Variants in ADCY2 observed in about 807,000 individuals in gnomAD.
ADCY2 encodes adenylate cyclase 2.
Under a neutral mutation model 125.2 loss-of-function variants are expected in ADCY2, and 31 were observed. The observed-to-expected ratio is 0.25, with a 90% CI of 0.19 to 0.33. ADCY2 has a LOEUF of 0.33. ADCY2 is among the 10% of genes least tolerant of loss of function. The pLI is 1.00. For missense variants in ADCY2, 904 were observed against 1,418.2 expected (o/e 0.64, Z 5.82); for synonymous variants, 512 against 548.4 (o/e 0.93, Z 0.93).
chr5:7,676,555 A>G (rs1273191313), intron 4 of ADCY2, among the ~76,000 whole-genome samples: 1 of 152,206 alleles, frequency 6.6e-6, no homozygotes, highest in Admixed American at 6.5e-5. Flanking sequence ...ATATGGATTT[A>G]CGTCTACAAC....
At chr5:7,593,030 C>A (rs985680054) in intron 3 of ADCY2, among the ~76,000 whole-genome samples, 1 of 152,142 alleles carries the variant, frequency 6.6e-6, no homozygotes, top group African/African-American at 2.4e-5. Flanking sequence ...ATTTTTGGCA[C>A]CAAACCTTGT....
At chr5:7,498,543 C>T (rs112993305) in intron 2 of ADCY2, among the ~76,000 whole-genome samples, 7,310 of 152,088 alleles carry the variant, frequency 0.048, 606 homozygotes, top group African/African-American at 0.17. Flanking sequence ...CCACCGTGCC[C>T]GGCCAAGTAA....
In ADCY2 at chr5:7,449,821, T is replaced by C. The variant is rs143607045; in HGVS notation, c.408+35051T>C. On this transcript the variant is annotated intron_variant, in intron 2 of 24. Coordinates refer to ENST00000338316, the MANE Select transcript of ADCY2 (RefSeq NM_020546.3). ...AACAACCTGTGCTCACTTATGTCAC[T>C]GTGTCCCATTTTAGTCATTGTCACA... Among the ~76,000 whole-genome samples, 91 of 152,378 alleles carry C rather than the reference T, an allele frequency of 6.0e-4. No individual in the cohort carries two copies. The East Asian group carries it at 0.015, about 25-fold the overall frequency.
At chr5:7,558,858 T>G (rs1360032832) in intron 3 of ADCY2, among the ~76,000 whole-genome samples, 1 of 152,188 alleles carries the variant, frequency 6.6e-6, no homozygotes, top group African/African-American at 2.4e-5. Flanking sequence ...TTAATTTTTT[T>G]GTGTGGTGTA....
At chr5:7,421,900 T>C (rs1740219005) in intron 2 of ADCY2, among the ~76,000 whole-genome samples, 1 of 152,216 alleles carries the variant, frequency 6.6e-6, no homozygotes, top group African/African-American at 2.4e-5. Flanking sequence ...TTCTTGTGTG[T>C]GAATATCATG....
At chr5:7,561,874 C>A (rs1162837661) in intron 3 of ADCY2, among the ~76,000 whole-genome samples, 1 of 152,134 alleles carries the variant, frequency 6.6e-6, no homozygotes, top group Non-Finnish European at 1.5e-5. Flanking sequence ...CTCCAAGTTG[C>A]CAATTTGGTT....
At chr5:7,592,423 T>A (rs958209172) in intron 3 of ADCY2, among the ~76,000 whole-genome samples, 2 of 151,942 alleles carry the variant, frequency 1.3e-5, no homozygotes, top group African/African-American at 4.8e-5. Context: ...TATAGGCAAA[T>A]AAAATATAAT....
chr5:7,440,520 A>C (rs765097627), intron 2 of ADCY2, among the ~76,000 whole-genome samples: 26 of 152,170 alleles, frequency 1.7e-4, no homozygotes, highest in Admixed American at 5.2e-4. Flanking sequence ...GAACATTTTG[A>C]GTCTAGGCCT....
At chr5:7,485,931 C>T (rs1357104266) in intron 2 of ADCY2, among the ~76,000 whole-genome samples, 1 of 152,052 alleles carries the variant, frequency 6.6e-6, no homozygotes, top group Non-Finnish European at 1.5e-5. Flanking sequence ...CAGTGATAGT[C>T]CCCCTCATTT....
intron 15 of ADCY2, among the ~76,000 whole-genome samples, chr5:7,746,679 C>T (rs6555491): frequency 0.86 from 130,366 of 152,220 alleles, 56,028 homozygotes; most frequent in East Asian, 0.97. Flanking sequence ...AAAGAGTACT[C>T]AATACCCGAA....
intron 3 of ADCY2, chr5:7,611,295 T>A (rs1348828475): frequency 6.6e-6 from 1 of 152,220 alleles, no homozygotes; most frequent in Non-Finnish European, 1.5e-5. Flanking sequence ...AGTTAAATAA[T>A]GAGAAGATAA....
chr5:7,598,660 G>C (rs981989033), intron 3 of ADCY2, among the ~76,000 whole-genome samples: 3 of 152,170 alleles, frequency 2.0e-5, no homozygotes, highest in African/African-American at 7.2e-5. Flanking sequence ...GGTGCTGGGG[G>C]TGTGAGTTGT....
intron 4 of ADCY2, among the ~76,000 whole-genome samples, chr5:7,639,974 C>T (rs1183134160): frequency 6.6e-6 from 1 of 152,112 alleles, no homozygotes; most frequent in Non-Finnish European, 1.5e-5. Flanking sequence ...ATGAAAGATG[C>T]AATTTTTATG....
intron 3 of ADCY2, among the ~76,000 whole-genome samples, chr5:7,576,496 T>C (rs1736255742): frequency 6.6e-6 from 1 of 152,214 alleles, no homozygotes; most frequent in Admixed American, 6.5e-5. Context: ...TAAGGCAACT[T>C]TTCATGATAC....
At chr5:7,587,300 C>T (rs572463155) in intron 3 of ADCY2, among the ~76,000 whole-genome samples, 4 of 152,142 alleles carry the variant, frequency 2.6e-5, no homozygotes, top group Non-Finnish European at 5.9e-5. Flanking sequence ...CTTGGGGATC[C>T]TTGTCTAATT....
chr5:7,803,566 G>T (rs1433411487), intron 21 of ADCY2, among the ~76,000 whole-genome samples: 1 of 152,134 alleles, frequency 6.6e-6, no homozygotes, highest in Middle Eastern at 3.2e-3. Context: ...TTAAGGAGGA[G>T]TCAAGTGGGA....
intron 3 of ADCY2, among the ~76,000 whole-genome samples, chr5:7,556,680 A>T (rs777547358): frequency 5.6e-4 from 85 of 152,216 alleles, no homozygotes; most frequent in Non-Finnish European, 3.8e-4. Context: ...GCACGGCATC[A>T]GGTGGGCAGC....
At chr5:7,814,243 T>C (rs1745032805) in intron 22 of ADCY2, among the ~76,000 whole-genome samples, 1 of 152,192 alleles carries the variant, frequency 6.6e-6, no homozygotes, top group Non-Finnish European at 1.5e-5. Flanking sequence ...GATAGGAAGA[T>C]GTCTTTCCCT....
chr5:7,646,664 A>G (rs1421364429), intron 4 of ADCY2, among the ~76,000 whole-genome samples: 2 of 152,174 alleles, frequency 1.3e-5, no homozygotes, highest in South Asian at 4.1e-4. Flanking sequence ...TGCTTATTAC[A>G]TTTAAGCTGT....
Sources: gnomAD v4.1 joint callset for allele counts (sites outside exome capture counted in the v4.1 genomes callset) on GRCh38, gnomAD v4.1.1 for gene constraint, MANE v1.5 for transcripts, NCBI Gene and HGNC (gene_info 2026-07-23, HGNC 2026-07-21) for gene names.